ETV7: variants seen among roughly 807,000 people sequenced by gnomAD.
ETV7 encodes the protein transcription factor ETV7.
ETV7 carries 43 observed loss-of-function variants against 39.1 expected under a neutral mutation model. The ratio of observed to expected loss-of-function variants is 1.10; its 90% CI spans 0.86 to 1.42. The LOEUF is 1.42. Ranked by LOEUF, ETV7 falls within the 40% of genes most tolerant of loss-of-function variation. The pLI is 0.00. For synonymous variants in ETV7, 196 were observed against 176.6 expected, an observed-to-expected ratio of 1.11 and a Z score of -0.87; for missense variants, 432 against 442.3, an observed-to-expected ratio of 0.98 and a Z score of 0.21.
downstream of ETV7, among the ~76,000 whole-genome samples, chr6:36,361,458 C>G (rs544284056): frequency 3.3e-5 from 5 of 152,208 alleles, no homozygotes; most frequent in African/African-American, 1.2e-4. Flanking sequence ...TCACTAACAC[C>G]GTGGGACCAG....
At chr6:36,373,302 G>C (rs1037514263) in intron 4 of ETV7, 151 bp downstream of exon 4, 1 of 859,816 alleles carries the variant, frequency 1.2e-6, no homozygotes. Context: ...GGGCGGCCAG[G>C]AACGCCCCAG....
chr6:36,384,995 T>C (rs1773823215), intron 2 of ETV7, among the ~76,000 whole-genome samples: 1 of 152,164 alleles, frequency 6.6e-6, no homozygotes, highest in Non-Finnish European at 1.5e-5. Context: ...TTATAAATAA[T>C]AATTGTATAT....
chr6:36,364,220 C>G (rs1271793264), downstream of ETV7, among the ~76,000 whole-genome samples: 1 of 152,262 alleles, frequency 6.6e-6, no homozygotes, highest in African/African-American at 2.4e-5. Context: ...CAGTCCGGCG[C>G]CGTGAGCCCG....
chr6:36,369,672 C>G (rs1772911176), intron 5 of ETV7, among the ~76,000 whole-genome samples: 1 of 152,254 alleles, frequency 6.6e-6, no homozygotes, highest in Non-Finnish European at 1.5e-5. Context: ...TCTGAGCCAG[C>G]TTCCTTGTAT....
intron 2 of ETV7, among the ~76,000 whole-genome samples, chr6:36,384,913 A>C (rs971606541): frequency 6.6e-6 from 1 of 152,160 alleles, no homozygotes; most frequent in African/African-American, 2.4e-5. Context: ...AAAACTCAGC[A>C]AAGAAACAGC....
At chr6:36,385,947 T>G (rs1356994552) in intron 1 of ETV7, among the ~76,000 whole-genome samples, 1 of 152,106 alleles carries the variant, frequency 6.6e-6, no homozygotes, top group East Asian at 1.9e-4. Context: ...ATGATTGAAA[T>G]CTGAAAGCCT....
At chr6:36,380,400 C>T (rs1561915090) in intron 2 of ETV7, among the ~76,000 whole-genome samples, 2 of 152,254 alleles carry the variant, frequency 1.3e-5, no homozygotes, top group African/African-American at 4.8e-5. Context: ...CTCTCCCGGC[C>T]CAGTGGCCTG....
chr6:36,366,434 T>G lies in ETV7; in HGVS notation c.*211A>C. ...AGAGTCCATTCCCCTGTACCTCATTTAGCCCCAGGATTGCCCTGCCCAAAA... is the reference window on the plus strand; with the variant it reads ...AGAGTCCATTCCCCTGTACCTCATTGAGCCCCAGGATTGCCCTGCCCAAAA... On this transcript the variant is annotated 3_prime_UTR_variant, in exon 8 of 8. Coordinates refer to ENST00000340181, the MANE Select transcript of ETV7 (RefSeq NM_016135.4). 7.0e-7 allele frequency: 1 copy of G among 1,421,720 alleles called. No homozygotes were observed. The highest frequency in any genetic ancestry group is 9.2e-7 in the Non-Finnish European group (1 of 1,090,778). The allele number at this position is 1,421,720 out of a possible 1,614,324, so 88.1% of individuals were successfully genotyped here. A position where few individuals can be genotyped will look rare whatever the true frequency, so the allele number is the denominator to read the frequency against.
chr6:36,362,683 G>A (rs536362599), downstream of ETV7, among the ~76,000 whole-genome samples: 10 of 152,324 alleles, frequency 6.6e-5, no homozygotes, highest in African/African-American at 2.4e-4. Flanking sequence ...ATCTCCCTGG[G>A]GAGATGGAGA....
intron 3 of ETV7, among the ~76,000 whole-genome samples, chr6:36,374,228 A>G (rs998220046): frequency 2.6e-5 from 4 of 151,968 alleles, no homozygotes; most frequent in African/African-American, 9.7e-5. Context: ...TATGGTGCGC[A>G]TATCTGTGGT....
At chr6:36,385,924 T>G (rs1315849130) in intron 1 of ETV7, among the ~76,000 whole-genome samples, 3 of 152,198 alleles carry the variant, frequency 2.0e-5, no homozygotes, top group African/African-American at 7.2e-5. Context: ...AGGGATCCCC[T>G]GCCAAGACTT....
chr6:36,382,647 G>C (rs12208229), intron 2 of ETV7, among the ~76,000 whole-genome samples: 25,718 of 152,118 alleles, frequency 0.17, 3,167 homozygotes, highest in Non-Finnish European at 0.26. Flanking sequence ...CCCAAAATCT[G>C]TTCAAGCTTC....
At chr6:36,357,565 G>A (rs749878059) in intron 7 of ETV7, among the ~76,000 whole-genome samples, 4 of 152,136 alleles carry the variant, frequency 2.6e-5, no homozygotes, top group African/African-American at 4.8e-5. Context: ...GGGCAGAAAT[G>A]ATGGGCGCCT....
In ETV7 at chr6:36,385,679, G is replaced by T; in HGVS notation, c.7-10C>A. On this transcript the variant is annotated splice_polypyrimidine_tract_variant and intron_variant, in intron 1 of 7. Transcript: ENST00000340181. ...TAGCCAATTCTCCCTCCTAGAGAGA[G>T]AAAAACCAGGACAGTCAAAGAAGAG... is the stretch of plus-strand genomic sequence containing the variant. The T allele has an allele frequency of 6.3e-7, 1 of 1,594,386 alleles. No individual in the cohort carries two copies. The highest frequency in any genetic ancestry group is 8.5e-7 in the Non-Finnish European group (1 of 1,173,044).
chr6:36,367,392 G>A (rs532377166), intron 6 of ETV7, among the ~76,000 whole-genome samples: 5 of 152,060 alleles, frequency 3.3e-5, no homozygotes, highest in South Asian at 2.1e-4. Flanking sequence ...GCAGTGAGCC[G>A]AGGTCATGTC....
chr6:36,365,371 G>A (rs1006369972), downstream of ETV7, among the ~76,000 whole-genome samples: 6 of 152,306 alleles, frequency 3.9e-5, no homozygotes, highest in Admixed American at 1.3e-4. Context: ...GGTGAAGCAC[G>A]CCCCACAGAG....
At chr6:36,378,720 G>T (rs1442893057) in intron 2 of ETV7, among the ~76,000 whole-genome samples, 1 of 152,156 alleles carries the variant, frequency 6.6e-6, no homozygotes, top group Non-Finnish European at 1.5e-5. Flanking sequence ...TGCTGTGAAG[G>T]CCTATCCTGT....
At chr6:36,379,549 T>TA (rs1217373362) in intron 2 of ETV7, among the ~76,000 whole-genome samples, 29 of 114,524 alleles carry the variant, frequency 2.5e-4, no homozygotes, top group South Asian at 3.0e-4. Context: ...CCCTGTCTCT[T>TA]AAAAAAAAAA....
chr6:36,373,396 C>G, intron 4 of ETV7, 57 bp downstream of exon 4: 1 of 1,461,792 alleles, frequency 6.8e-7, no homozygotes, highest in South Asian at 1.5e-5. Flanking sequence ...ATGTCCTGCC[C>G]TCCCAGTGAG....
Sources: gnomAD v4.1 joint callset for allele counts (sites outside exome capture counted in the v4.1 genomes callset) on GRCh38, gnomAD v4.1.1 for gene constraint, MANE v1.5 for transcripts, NCBI Gene and HGNC (gene_info 2026-07-23, HGNC 2026-07-21) for gene names.